TAFA2: variants seen among roughly 807,000 people sequenced by gnomAD.
The protein encoded by TAFA2 is chemokine-like protein TAFA-2.
A neutral mutation model predicts 18.8 loss-of-function variants in TAFA2; 7 were observed. The observed-to-expected ratio is 0.37, with a 90% CI of 0.21 to 0.70. The LOEUF is 0.70. Among genes scored for constraint, TAFA2 ranks in the 30% least tolerant of loss-of-function variants. The pLI, the probability that TAFA2 is intolerant of heterozygous loss-of-function variation, is 0.53. For synonymous variants in TAFA2, 60 were observed against 54.2 expected, an observed-to-expected ratio of 1.11 and a Z score of -0.47; for missense variants, 122 against 158.1, an observed-to-expected ratio of 0.77 and a Z score of 1.23.
intron 1 of TAFA2, among the ~76,000 whole-genome samples, chr12:62,177,225 A>G (rs1237903401): frequency 6.6e-6 from 1 of 152,266 alleles, no homozygotes; most frequent in African/African-American, 2.4e-5. Flanking sequence ...AAGTGGTAAC[A>G]GAAAGCAAAA....
chr12:61,996,211 A>C (rs975593439), intron 1 of TAFA2, among the ~76,000 whole-genome samples: 8 of 152,192 alleles, frequency 5.3e-5, no homozygotes, highest in African/African-American at 1.9e-4. Flanking sequence ...AATCAAAAAG[A>C]AAAATGCCTC....
chr12:61,904,379 A>G (rs1876246940), intron 1 of TAFA2, among the ~76,000 whole-genome samples: 1 of 152,176 alleles, frequency 6.6e-6, no homozygotes, highest in South Asian at 2.1e-4. Flanking sequence ...AAGATTTTAG[A>G]TTTAAATTCA....
intron 1 of TAFA2, among the ~76,000 whole-genome samples, chr12:61,927,195 A>G (rs1360563311): frequency 6.6e-6 from 1 of 152,094 alleles, no homozygotes; most frequent in African/African-American, 2.4e-5. Context: ...AATAAAGCGT[A>G]TTCAAATAGG....
chr12:62,232,787 C>G (rs1474154134), intron 1 of TAFA2, among the ~76,000 whole-genome samples: 1 of 152,030 alleles, frequency 6.6e-6, no homozygotes, highest in Non-Finnish European at 1.5e-5. Flanking sequence ...GCTGAGATTA[C>G]AGGCATGAGC....
At chr12:61,948,268 C>T (rs1878349548) in intron 1 of TAFA2, among the ~76,000 whole-genome samples, 1 of 152,120 alleles carries the variant, frequency 6.6e-6, no homozygotes, top group Admixed American at 6.6e-5. Context: ...GGTTAAGTAA[C>T]TTTCACAAGA....
chr12:61,829,798 A>G (rs1872650122), intron 2 of TAFA2, among the ~76,000 whole-genome samples: 1 of 151,720 alleles, frequency 6.6e-6, no homozygotes, highest in African/African-American at 2.4e-5. Flanking sequence ...ATAAGATTTA[A>G]AAATCTTTAT....
chr12:61,819,174 A>G (rs1022170899), intron 2 of TAFA2, among the ~76,000 whole-genome samples: 1 of 152,138 alleles, frequency 6.6e-6, no homozygotes, highest in African/African-American at 2.4e-5. Context: ...TAGAGCACTA[A>G]GAAATAATAA....
intron 1 of TAFA2, among the ~76,000 whole-genome samples, chr12:62,049,163 A>G (rs1354093306): frequency 6.6e-6 from 1 of 152,170 alleles, no homozygotes; most frequent in Non-Finnish European, 1.5e-5. Context: ...GTATGGATTT[A>G]CTGAATGAGC....
At chr12:62,031,856 T>G (rs1265008941) in intron 1 of TAFA2, among the ~76,000 whole-genome samples, 1 of 152,202 alleles carries the variant, frequency 6.6e-6, no homozygotes, top group East Asian at 1.9e-4. Context: ...TTAGTCTTAA[T>G]TATGTTTTAG....
intron 1 of TAFA2, among the ~76,000 whole-genome samples, chr12:62,033,082 C>G (rs963216936): frequency 8.5e-5 from 13 of 152,160 alleles, no homozygotes; most frequent in Non-Finnish European, 1.0e-4. Flanking sequence ...CCATGTCAGA[C>G]TAGCACCTGG....
rs934875276 is a variant in TAFA2 at position 62,054,883 on chromosome 12, A to G, written c.-2+136376T>C. Among the ~76,000 whole-genome samples, 3 of 152,344 alleles carry G rather than the reference A, an allele frequency of 2.0e-5. No individual in the cohort carries two copies. The East Asian group carries it at 5.8e-4, about 29-fold the overall frequency. The stretch of plus-strand genomic sequence containing the variant: ...TTTCATCACAGAATCTTATTTTTAA[A>G]ACAGTATTTTTTTATCTTCTAAATA... On this transcript the variant is annotated intron_variant, in intron 1 of 4. Coordinates refer to ENST00000416284, the MANE Select transcript of TAFA2 (RefSeq NM_178539.5).
At chr12:61,799,460 T>C (rs1344432925) in intron 2 of TAFA2, among the ~76,000 whole-genome samples, 1 of 151,690 alleles carries the variant, frequency 6.6e-6, no homozygotes. Flanking sequence ...CCTCTTAAGA[T>C]AAGACTACTA....
intron 1 of TAFA2, among the ~76,000 whole-genome samples, chr12:61,950,188 C>T (rs1878417032): frequency 6.6e-6 from 1 of 152,100 alleles, no homozygotes; most frequent in African/African-American, 2.4e-5. Flanking sequence ...GAGTTGTTTT[C>T]ATGTCTTGGC....
intron 2 of TAFA2, among the ~76,000 whole-genome samples, chr12:61,771,630 G>T (rs1592378079): frequency 6.6e-6 from 1 of 151,952 alleles, no homozygotes; most frequent in East Asian, 1.9e-4. Flanking sequence ...CTGAATGATT[G>T]TTGAGTCAAC....
At chr12:62,110,813 AT>A (rs891235356) in intron 1 of TAFA2, among the ~76,000 whole-genome samples, 9 of 151,908 alleles carry the variant, frequency 5.9e-5, no homozygotes, top group African/African-American at 2.2e-4. Context: ...GGTAGTTTAT[AT>A]TGCTGTGGGA....
intron 2 of TAFA2, among the ~76,000 whole-genome samples, chr12:61,813,438 A>G (rs1871955346): frequency 6.6e-6 from 1 of 151,348 alleles, no homozygotes; most frequent in Non-Finnish European, 1.5e-5. Context: ...ATTTGCCTCT[A>G]AATTAATTTT....
chr12:62,146,022 T>C (rs989541346), intron 1 of TAFA2, among the ~76,000 whole-genome samples: 3 of 152,210 alleles, frequency 2.0e-5, no homozygotes, highest in Non-Finnish European at 4.4e-5. Flanking sequence ...TGTTGGTTAC[T>C]ATGCCTCCTC....
At chr12:62,194,456 C>A (rs1231802840), upstream of TAFA2, among the ~76,000 whole-genome samples, 1 of 152,098 alleles carries the variant, frequency 6.6e-6, no homozygotes, top group Non-Finnish European at 1.5e-5. Context: ...GGGACATTTT[C>A]AGCCTTATTT....
chr12:61,950,084 C>T (rs1380074084), intron 1 of TAFA2, among the ~76,000 whole-genome samples: 2 of 152,134 alleles, frequency 1.3e-5, no homozygotes. Context: ...CATGTTGTCA[C>T]ATGTGACAGG....
Sources: gnomAD v4.1 joint callset for allele counts (sites outside exome capture counted in the v4.1 genomes callset) on GRCh38, gnomAD v4.1.1 for gene constraint, MANE v1.5 for transcripts, NCBI Gene and HGNC (gene_info 2026-07-23, HGNC 2026-07-21) for gene names.